ERC2: variants seen among roughly 807,000 people sequenced by gnomAD.
ERC2 encodes the protein ELKS/RAB6-interacting/CAST family member 2.
ERC2 carries 42 observed loss-of-function variants against 114.8 expected under a neutral mutation model. The ratio of observed to expected loss-of-function variants is 0.37; its 90% CI spans 0.29 to 0.47. ERC2 has a LOEUF of 0.47. Among genes scored for constraint, ERC2 ranks in the 20% least tolerant of loss-of-function variants. The pLI is 0.99. For synonymous variants in ERC2, 454 were observed against 425.5 expected, an observed-to-expected ratio of 1.07 and a Z score of -0.82; for missense variants, 939 against 1,150.7, an observed-to-expected ratio of 0.82 and a Z score of 2.66.
rs79692794 is a variant in ERC2 at position 56,407,709 on chromosome 3, G to A, written c.657+26642C>T. Among the ~76,000 whole-genome samples, 1,102 of 152,200 alleles carry A rather than the reference G, an allele frequency of 7.2e-3. 23 individuals carry two copies. The highest frequency in any genetic ancestry group is 0.025 in the African/African-American group (1,054 of 41,518). On this transcript the variant is annotated intron_variant, in intron 2 of 17. Transcript: ENST00000288221. Reference sequence around the variant, plus strand: ...CCTGACTGCACATTAGAGTCACATGGGGAGCTTGTAAAAATCCTGATGCCC... The same window carrying A: ...CCTGACTGCACATTAGAGTCACATGAGGAGCTTGTAAAAATCCTGATGCCC...
chr3:55,698,105 A>G lies in ERC2; in HGVS notation c.2847+1273T>C, dbSNP rs148640036. ...ATTTCAGATCTCCAAATCAAGAGCA[A>G]TATTTTGGGAGCTAAAACATGAAAT... is the stretch of plus-strand genomic sequence containing the variant. On this transcript the variant is annotated intron_variant, in intron 16 of 17. Transcript: ENST00000288221. Among the ~76,000 whole-genome samples the G allele has an allele frequency of 7.0e-4, 107 of 152,160 alleles. 1 individual carries two copies. The highest frequency in any genetic ancestry group is 2.5e-3 in the African/African-American group (103 of 41,508).
chr3:56,191,300 T>C (rs1219506089), intron 3 of ERC2, among the ~76,000 whole-genome samples: 1 of 152,076 alleles, frequency 6.6e-6, no homozygotes, highest in African/African-American at 2.4e-5. Flanking sequence ...TATAGAGTCC[T>C]CAGCCACGTA....
chr3:56,025,564 C>G (rs1294818435), intron 7 of ERC2, among the ~76,000 whole-genome samples: 1 of 152,184 alleles, frequency 6.6e-6, no homozygotes, highest in African/African-American at 2.4e-5. Flanking sequence ...CTCTTTAAAA[C>G]CAGCAACCAA....
intron 14 of ERC2, among the ~76,000 whole-genome samples, chr3:55,755,686 C>A (rs2067007251): frequency 6.6e-6 from 1 of 152,160 alleles, no homozygotes; most frequent in African/African-American, 2.4e-5. Flanking sequence ...TTGTAACTAA[C>A]TGCCAATGCT....
intron 14 of ERC2, among the ~76,000 whole-genome samples, chr3:55,767,755 T>G (rs147154730): frequency 6.6e-6 from 1 of 152,202 alleles, no homozygotes; most frequent in South Asian, 2.1e-4. Context: ...TGATGTCTGA[T>G]GTAGACATGA....
intron 14 of ERC2, among the ~76,000 whole-genome samples, chr3:55,752,943 G>A (rs1031289543): frequency 2.6e-5 from 4 of 152,166 alleles, no homozygotes; most frequent in African/African-American, 9.6e-5. Context: ...AAGAGCAGCC[G>A]ACCGCAGCTC....
intron 13 of ERC2, among the ~76,000 whole-genome samples, chr3:55,916,965 C>A (rs539733756): frequency 4.6e-5 from 7 of 152,162 alleles, no homozygotes; most frequent in Admixed American, 2.6e-4. Context: ...GGTTTTTTTG[C>A]ACTAAAGTGC....
intron 16 of ERC2, among the ~76,000 whole-genome samples, chr3:55,685,369 G>C (rs992494922): frequency 2.0e-5 from 3 of 152,182 alleles, no homozygotes; most frequent in Non-Finnish European, 2.9e-5. Flanking sequence ...GATCATTTTA[G>C]CTGGGCCTTC....
At chr3:55,976,740 G>GA (rs1173454598) in intron 12 of ERC2, among the ~76,000 whole-genome samples, 3 of 151,888 alleles carry the variant, frequency 2.0e-5, no homozygotes, top group East Asian at 1.9e-4. Flanking sequence ...CTTGGCCTAG[G>GA]AAAAAAAATA....
At position 55,965,731 on chromosome 3, in the gene ERC2, G is replaced by T. The variant is rs781461297; in HGVS notation, c.2268-15171C>A. 1.8e-4 allele frequency among the ~76,000 whole-genome samples: 27 copies of T among 152,162 alleles called. 1 individual carries two copies. The highest frequency in any genetic ancestry group is 3.2e-4 in the Non-Finnish European group (22 of 68,030). On this transcript the variant is annotated intron_variant, in intron 12 of 17. Transcript: ENST00000288221. The stretch of plus-strand genomic sequence containing the variant: ...TTTATGCATCCTTACACTTTCCCAA[G>T]TATTTATCCCCATGACAACACACTA...
intron 7 of ERC2, among the ~76,000 whole-genome samples, chr3:56,057,335 C>T (rs1284166265): frequency 1.3e-5 from 2 of 152,162 alleles, no homozygotes; most frequent in African/African-American, 2.4e-5. Context: ...TAAATAATAA[C>T]TCCTTATCTT....
intron 17 of ERC2, among the ~76,000 whole-genome samples, chr3:55,593,765 A>T (rs1346806757): frequency 6.6e-6 from 1 of 151,714 alleles, no homozygotes; most frequent in African/African-American, 2.4e-5. Context: ...GTATCTGAAG[A>T]CTCAACCTCT....
intron 6 of ERC2, among the ~76,000 whole-genome samples, chr3:56,087,953 A>G (rs865983410): frequency 1.3e-5 from 2 of 152,204 alleles, no homozygotes; most frequent in South Asian, 2.1e-4. Context: ...CTTGCTTGGT[A>G]GTAACGACTA....
intron 17 of ERC2, among the ~76,000 whole-genome samples, chr3:55,644,101 C>A (rs1171864002): frequency 1.3e-5 from 2 of 152,100 alleles, no homozygotes; most frequent in Admixed American, 6.5e-5. Context: ...CAGTGGCCGG[C>A]CAGTCCACCC....
At chr3:55,938,930 A>C (rs1391384320) in intron 13 of ERC2, among the ~76,000 whole-genome samples, 3 of 152,166 alleles carry the variant, frequency 2.0e-5, no homozygotes, top group Non-Finnish European at 4.4e-5. Flanking sequence ...CCTTCCCCCA[A>C]AACAGTCATC....
chr3:56,247,163 A>AC (rs2051766247), intron 3 of ERC2, among the ~76,000 whole-genome samples: 1 of 152,260 alleles, frequency 6.6e-6, no homozygotes, highest in Non-Finnish European at 1.5e-5. Context: ...ACACCCAGCT[A>AC]CAACATGACA....
At chr3:56,019,415 A>G (rs2073545840) in intron 7 of ERC2, among the ~76,000 whole-genome samples, 1 of 152,196 alleles carries the variant, frequency 6.6e-6, no homozygotes, top group Non-Finnish European at 1.5e-5. Context: ...TTAAACAGAC[A>G]TTTACTGGAG....
intron 2 of ERC2, among the ~76,000 whole-genome samples, chr3:56,320,557 G>A (rs1397644193): frequency 6.6e-6 from 1 of 152,142 alleles, no homozygotes; most frequent in South Asian, 2.1e-4. Context: ...TTAAACCATG[G>A]GAATTGGCAA....
chr3:56,252,414 G>A (rs766639143), intron 3 of ERC2, among the ~76,000 whole-genome samples: 1 of 152,100 alleles, frequency 6.6e-6, no homozygotes, highest in African/African-American at 2.4e-5. Flanking sequence ...AGCAATGACT[G>A]TGGACATCAA....
Sources: gnomAD v4.1 joint callset for allele counts (sites outside exome capture counted in the v4.1 genomes callset) on GRCh38, gnomAD v4.1.1 for gene constraint, MANE v1.5 for transcripts, NCBI Gene and HGNC (gene_info 2026-07-23, HGNC 2026-07-21) for gene names.